Variants in C12orf42 observed in about 807,000 individuals in gnomAD.
C12orf42 encodes the protein uncharacterized protein C12orf42.
C12orf42 carries 25 observed loss-of-function variants against 21.6 expected under a neutral mutation model. The observed-to-expected ratio is 1.16, with a 90% CI of 0.84 to 1.62. C12orf42 has a LOEUF of 1.62. Among genes scored for constraint, C12orf42 ranks in the 40% most tolerant of loss-of-function variants. C12orf42 has a pLI of 0.00. For synonymous variants in C12orf42, 174 were observed against 175.0 expected, an observed-to-expected ratio of 0.99 and a Z score of 0.05; for missense variants, 483 against 459.3, an observed-to-expected ratio of 1.05 and a Z score of -0.47.
At chr12:103,349,185 G>A (rs1290253553) in intron 4 of C12orf42, 1 of 152,206 alleles carries the variant, frequency 6.6e-6, no homozygotes, top group Non-Finnish European at 1.5e-5. Flanking sequence ...GAAGAGGGCT[G>A]TTCTAGAATG....
intron 4 of C12orf42, among the ~76,000 whole-genome samples, chr12:103,341,350 A>G (rs1041945079): frequency 6.6e-6 from 1 of 152,056 alleles, no homozygotes; most frequent in African/African-American, 2.4e-5. Flanking sequence ...TTGGTGACAC[A>G]GCAAAAACCC....
At chr12:103,332,508 T>C (rs2041329609) in intron 4 of C12orf42, among the ~76,000 whole-genome samples, 1 of 152,214 alleles carries the variant, frequency 6.6e-6, no homozygotes, top group African/African-American at 2.4e-5. Context: ...CACCCGAGTC[T>C]TAGTGCTGTG....
chr12:103,421,440 G>T (rs182007954), intron 2 of C12orf42, among the ~76,000 whole-genome samples: 97 of 152,056 alleles, frequency 6.4e-4, no homozygotes, highest in Non-Finnish European at 1.1e-3. Flanking sequence ...TGAGTGTGGT[G>T]GTGTGTGCCT....
chr12:103,257,041 G>T (rs2034651062), intron 10 of C12orf42, among the ~76,000 whole-genome samples: 1 of 152,052 alleles, frequency 6.6e-6, no homozygotes, highest in Admixed American at 6.6e-5. Context: ...CCATAAAAAA[G>T]AATTAGATCA....
chr12:103,221,539 C>T, the C12orf42 span, among the ~76,000 whole-genome samples: 1 of 152,050 alleles, frequency 6.6e-6, no homozygotes, highest in African/African-American at 2.4e-5. Context: ...CTTGCAAGAC[C>T]CTGAAAGACA....
chr12:103,198,193 G>A, the C12orf42 span, among the ~76,000 whole-genome samples: 15 of 152,308 alleles, frequency 9.8e-5, no homozygotes, highest in African/African-American at 1.7e-4. Context: ...GGGGATGGCC[G>A]TGGGTGAATG....
chr12:103,236,531 G>A (rs1266152218), downstream of C12orf42, among the ~76,000 whole-genome samples: 1 of 152,138 alleles, frequency 6.6e-6, no homozygotes, highest in Non-Finnish European at 1.5e-5. Context: ...CTGCAAACCT[G>A]ATTATTCTCC....
chr12:103,113,625 G>A, the C12orf42 span, among the ~76,000 whole-genome samples: 4 of 152,120 alleles, frequency 2.6e-5, no homozygotes, highest in African/African-American at 2.4e-5. Context: ...GCTTACCATC[G>A]TATAGTGCAC....
chr12:103,420,979 T>G (rs1482103135), intron 2 of C12orf42, among the ~76,000 whole-genome samples: 1 of 152,206 alleles, frequency 6.6e-6, no homozygotes, highest in African/African-American at 2.4e-5. Flanking sequence ...TTCTTACACA[T>G]TTTTCAAATA....
At chr12:103,253,994 G>T (rs1307767015) in intron 10 of C12orf42, among the ~76,000 whole-genome samples, 1 of 152,092 alleles carries the variant, frequency 6.6e-6, no homozygotes, top group Admixed American at 6.6e-5. Context: ...GATACCATTT[G>T]TCAATTTTTG....
Position 103,306,193 on chromosome 12 carries a change from C to A in C12orf42, c.412G>T (p.Asp138Tyr). 6 of 1,613,950 alleles carry A rather than the reference C, an allele frequency of 3.7e-6. No individual in the cohort carries two copies. Among genetic ancestry groups the A allele is most frequent in the Non-Finnish European group, 5.1e-6 (6 of 1,179,888 alleles). The change falls in exon 5 of 6, where the codon GAT (aspartate) becomes TAT (tyrosine). Residue 138 changes from aspartate to tyrosine, a missense_variant. Asp to Tyr is a radical substitution (Grantham distance 160, BLOSUM62 -3). Coordinates refer to ENST00000548883, the MANE Select transcript of C12orf42 (RefSeq NM_198521.5). Reference protein sequence around the residue: ...RSSPAPSSETDEAPLIFTARG... With the variant: ...RSSPAPSSETYEAPLIFTARG... ...GCAGTAAAAATCAATGGGGCCTCAT[C>A]AGTTTCACTGGATGGTGCTGGAGAG...
intron 4 of C12orf42, among the ~76,000 whole-genome samples, chr12:103,358,886 G>C (rs548302314): frequency 1.3e-5 from 2 of 152,170 alleles, no homozygotes; most frequent in Admixed American, 1.3e-4. Flanking sequence ...TAAATAAGAA[G>C]TGGTACAGCT....
At chr12:103,457,106 A>T (rs1056280226) in intron 2 of C12orf42, among the ~76,000 whole-genome samples, 1 of 152,150 alleles carries the variant, frequency 6.6e-6, no homozygotes, top group Non-Finnish European at 1.5e-5. Context: ...ACAAATATAT[A>T]CTGAAGAACT....
At chr12:103,321,127 C>G (rs2040054488) in intron 4 of C12orf42, among the ~76,000 whole-genome samples, 1 of 151,890 alleles carries the variant, frequency 6.6e-6, no homozygotes, top group South Asian at 2.1e-4. Flanking sequence ...TGACAAAGGA[C>G]TAATATCCAG....
the C12orf42 span, among the ~76,000 whole-genome samples, chr12:103,167,277 G>T: frequency 2.0e-5 from 3 of 152,204 alleles, no homozygotes; most frequent in African/African-American, 7.2e-5. Flanking sequence ...TCTGGCAGGA[G>T]ATTAGGAGCT....
At chr12:103,329,964 T>C (rs1287043058) in intron 4 of C12orf42, among the ~76,000 whole-genome samples, 6 of 152,128 alleles carry the variant, frequency 3.9e-5, no homozygotes, top group Admixed American at 3.9e-4. Flanking sequence ...TATTCTATTT[T>C]TCACATCATT....
the C12orf42 span, among the ~76,000 whole-genome samples, chr12:103,123,608 C>T: frequency 6.6e-6 from 1 of 152,078 alleles, no homozygotes; most frequent in Non-Finnish European, 1.5e-5. Context: ...AATATGGTAG[C>T]CATTAGCCAC....
chr12:103,392,295 TATTTGGGA>T (rs1471915032), intron 3 of C12orf42, among the ~76,000 whole-genome samples: 1 of 152,220 alleles, frequency 6.6e-6, no homozygotes, highest in East Asian at 1.9e-4. Flanking sequence ...TTGTTTTGGT[TATTTGGGA>T]ATCCTTTGAG....
chr12:103,551,317 T>C, the C12orf42 span, among the ~76,000 whole-genome samples: 2 of 152,194 alleles, frequency 1.3e-5, no homozygotes. Flanking sequence ...ACATTTTCTA[T>C]AGATATTTAT....
Sources: allele counts gnomAD v4.1 joint callset (sites outside exome capture counted in the v4.1 genomes callset), GRCh38; gene constraint gnomAD v4.1.1; transcripts MANE v1.5; gene names NCBI Gene and HGNC (gene_info 2026-07-23, HGNC 2026-07-21).